FAM81A: variants seen among roughly 807,000 people sequenced by gnomAD.
The protein encoded by FAM81A is protein FAM81A.
In FAM81A, 19 loss-of-function variants were observed where a neutral mutation model predicts 46.7. The observed-to-expected ratio is 0.41, with a 90% CI of 0.28 to 0.60. The LOEUF (loss-of-function observed/expected upper bound fraction) is 0.60, where lower values mean the gene tolerates loss of function less well. FAM81A is among the 20% of genes least tolerant of loss of function. The probability of loss-of-function intolerance (pLI) is 0.34; values close to 1 mark genes in which losing one functional copy is unlikely to be tolerated. For missense variants in FAM81A, 377 were observed against 453.5 expected, an observed-to-expected ratio of 0.83 and a Z score of 1.53; for synonymous variants, 183 against 152.9, an observed-to-expected ratio of 1.20 and a Z score of -1.45.
rs189872225 is a variant in FAM81A, at chr15:59,456,332, G to C, written c.-77-2218G>C. Reference sequence around the variant, plus strand: ...GACTGGAGCAGGTGATTGTGGTAGGGAGTGGCCAAATATGAGGGCGGAAGA... The same window carrying C: ...GACTGGAGCAGGTGATTGTGGTAGGCAGTGGCCAAATATGAGGGCGGAAGA... On this transcript the variant is annotated intron_variant, in intron 1 of 8. Transcript: ENST00000288228. 6.6e-5 allele frequency among the ~76,000 whole-genome samples: 10 copies of C among 152,286 alleles called. No homozygotes were observed. In the East Asian group the frequency reaches 1.2e-3, roughly 18 times the overall value.
intron 2 of FAM81A, among the ~76,000 whole-genome samples, chr15:59,409,902 T>TA (rs1336050099): frequency 2.6e-5 from 4 of 152,196 alleles, no homozygotes; most frequent in African/African-American, 9.7e-5. Flanking sequence ...TGTATCTGTA[T>TA]TATTAGTACA....
chr15:59,481,271 T>C (rs572230832), intron 3 of FAM81A, among the ~76,000 whole-genome samples: 1 of 152,328 alleles, frequency 6.6e-6, no homozygotes, highest in African/African-American at 2.4e-5. Context: ...GTGCTGGGAT[T>C]ACAGGAGTGA....
rs1567039174 is a variant in FAM81A at position 59,421,790 on chromosome 15, T to TAC, written c.-78+19432_-78+19433insAC. ...ATCTATCTATCTATCTATCTATCTA[T>TAC]CTACCTACCTAACTACCTACCAAAA... On this transcript the variant is annotated intron_variant, in intron 2 of 4. Coordinates refer to the FAM81A transcript ENST00000558348. Among the ~76,000 whole-genome samples, 58 of 143,476 alleles carry TAC rather than the reference T, an allele frequency of 4.0e-4. No individual in the cohort carries two copies. In the East Asian group the frequency reaches 5.7e-3, roughly 14 times the overall value. 94.1% of individuals were successfully genotyped at this position (143,476 alleles called of 152,430 possible). A position where few individuals can be genotyped will look rare whatever the true frequency, so the allele number is the denominator to read the frequency against.
chr15:59,465,733 A>C (rs1303590898), intron 3 of FAM81A, among the ~76,000 whole-genome samples: 1 of 152,044 alleles, frequency 6.6e-6, no homozygotes, highest in Admixed American at 6.6e-5. Flanking sequence ...TTTAGGGTAC[A>C]TGCGCACAAC....
intron 3 of FAM81A, among the ~76,000 whole-genome samples, chr15:59,475,177 C>T (rs1325332506): frequency 6.6e-6 from 1 of 151,804 alleles, no homozygotes; most frequent in Non-Finnish European, 1.5e-5. Flanking sequence ...CAAGGTCTCA[C>T]TCCCTCACCC....
At chr15:59,497,067 C>T (rs954248944) in intron 4 of FAM81A, among the ~76,000 whole-genome samples, 3 of 150,950 alleles carry the variant, frequency 2.0e-5, no homozygotes, top group African/African-American at 4.9e-5. Context: ...TGCAGTGAGC[C>T]GGGATTGTGC....
chr15:59,517,206 A>G (rs148866526), intron 8 of FAM81A, among the ~76,000 whole-genome samples: 47 of 152,304 alleles, frequency 3.1e-4, no homozygotes, highest in Non-Finnish European at 5.6e-4. Flanking sequence ...TAGTGCTAGC[A>G]GTACAGTACC....
chr15:59,449,196 G>C (rs989401704), intron 1 of FAM81A, among the ~76,000 whole-genome samples: 1 of 152,126 alleles, frequency 6.6e-6, no homozygotes, highest in African/African-American at 2.4e-5. Flanking sequence ...AGTGAGTTCT[G>C]TACATGCCCT....
intron 1 of FAM81A, 149 bp from the exon 2 acceptor site, chr15:59,458,400 AT>A (rs2081509327): frequency 1.7e-6 from 1 of 585,048 alleles, no homozygotes; most frequent in Admixed American, 3.1e-5. Context: ...TATGCTGTTT[AT>A]TTCATGTATA....
upstream of FAM81A, among the ~76,000 whole-genome samples, chr15:59,437,025 G>C (rs1000543127): frequency 6.6e-6 from 1 of 152,232 alleles, no homozygotes. Flanking sequence ...TTGGCTGAAT[G>C]AATGTTACAG....
chr15:59,409,106 C>T (rs751842174), intron 2 of FAM81A: 1 of 152,196 alleles, frequency 6.6e-6, no homozygotes, highest in Non-Finnish European at 1.5e-5. Context: ...AGTCGGATAG[C>T]TCCTACCTGA....
rs146626231 is a variant in FAM81A at position 59,412,547 on chromosome 15, G to A, written c.-78+10189G>A. ...TTAAGATTAGCCTCGGCAACATGGC[G>A]AAACCCTATCTCTACAAAAAAATAC... On this transcript the variant is annotated intron_variant, in intron 2 of 4. Coordinates refer to the FAM81A transcript ENST00000558348. Among the ~76,000 whole-genome samples, 311 of 152,130 alleles carry A rather than the reference G, an allele frequency of 2.0e-3. 1 individual carries two copies. Among genetic ancestry groups the A allele is most frequent in the African/African-American group, 6.9e-3 (286 of 41,516 alleles).
At chr15:59,489,743 A>G (rs1194674192) in intron 3 of FAM81A, among the ~76,000 whole-genome samples, 1 of 152,218 alleles carries the variant, frequency 6.6e-6, no homozygotes, top group Non-Finnish European at 1.5e-5. Flanking sequence ...GAACCCAGAA[A>G]CAAATCCATA....
chr15:59,521,502 T>C lies in FAM81A; in HGVS notation c.*124T>C. On this transcript the variant is annotated 3_prime_UTR_variant, in exon 9 of 9. Transcript: ENST00000288228. The stretch of plus-strand genomic sequence containing the variant: ...TCCATGGCGTGCATGTGCCAAGAAA[T>C]GTGTTTTTATGGGTCTAAATGTTTA... 8 of 1,148,104 alleles carry C rather than the reference T, an allele frequency of 7.0e-6. No individual in the cohort carries two copies. Among genetic ancestry groups the C allele is most frequent in the Non-Finnish European group, 9.4e-6 (8 of 847,310 alleles). 71.1% of individuals were successfully genotyped at this position (1,148,104 alleles called of 1,614,324 possible).
chr15:59,453,052 C>T (rs754707764), intron 1 of FAM81A, among the ~76,000 whole-genome samples: 47 of 152,302 alleles, frequency 3.1e-4, no homozygotes, highest in Non-Finnish European at 4.7e-4. Context: ...CATGAGCCAC[C>T]GCTCCTGGCT....
At chr15:59,471,517 C>G (rs1442180822) in intron 3 of FAM81A, among the ~76,000 whole-genome samples, 1 of 151,856 alleles carries the variant, frequency 6.6e-6, no homozygotes, top group African/African-American at 2.4e-5. Context: ...GGCTGGAGTG[C>G]AGTGGTGCAA....
intron 8 of FAM81A, among the ~76,000 whole-genome samples, chr15:59,518,365 C>G (rs11633141): frequency 0.43 from 65,727 of 151,844 alleles, 17,059 homozygotes; most frequent in Non-Finnish European, 0.58. Flanking sequence ...ACTCTGTTGC[C>G]TAGGCCGGGG....
intron 2 of FAM81A, among the ~76,000 whole-genome samples, chr15:59,423,334 G>A (rs1446782969): frequency 1.1e-4 from 16 of 151,964 alleles, no homozygotes; most frequent in African/African-American, 2.4e-4. Flanking sequence ...TCCTCACCTC[G>A]TGATCCGCCT....
chr15:59,429,815 A>C (rs1422029645), intron 2 of FAM81A, among the ~76,000 whole-genome samples: 1 of 152,218 alleles, frequency 6.6e-6, no homozygotes, highest in Non-Finnish European at 1.5e-5. Flanking sequence ...GGGATAAAAT[A>C]AGCCAGGGAA....
Sources: gnomAD v4.1 joint callset for allele counts (sites outside exome capture counted in the v4.1 genomes callset) on GRCh38, gnomAD v4.1.1 for gene constraint, MANE v1.5 for transcripts, NCBI Gene and HGNC (gene_info 2026-07-23, HGNC 2026-07-21) for gene names.